Variants in FHIT observed in about 807,000 individuals in gnomAD.
The protein encoded by FHIT is bis(5'-adenosyl)-triphosphatase.
In FHIT, 19 loss-of-function variants were observed where a neutral mutation model predicts 17.9. The observed-to-expected ratio is 1.06, with a 90% CI of 0.74 to 1.56. FHIT has a LOEUF of 1.56. Among genes scored for constraint, FHIT ranks in the 40% most tolerant of loss-of-function variants. The pLI, the probability that FHIT is intolerant of heterozygous loss-of-function variation, is 0.00. For synonymous variants in FHIT, 81 were observed against 69.7 expected (o/e 1.16, Z -0.81); for missense variants, 248 against 189.2 (o/e 1.31, Z -1.82).
At chr3:60,782,233 G>GTATA (rs775581148) in intron 4 of FHIT, among the ~76,000 whole-genome samples, 3 of 133,142 alleles carry the variant, frequency 2.3e-5, no homozygotes, top group East Asian at 2.0e-4. Flanking sequence ...GTGTGTGTGT[G>GTATA]TGTGTATATA....
intron 5 of FHIT, among the ~76,000 whole-genome samples, chr3:60,535,277 T>C (rs956503736): frequency 1.3e-5 from 2 of 152,182 alleles, no homozygotes; most frequent in Admixed American, 1.3e-4. Flanking sequence ...CTAATTTTCA[T>C]AGGAATGAGA....
intron 6 of FHIT, 130 bp from the exon 7 acceptor site, chr3:60,011,530 C>G: frequency 1.3e-6 from 1 of 791,912 alleles, no homozygotes; most frequent in Non-Finnish European, 2.2e-6. Context: ...CTCATGGGGA[C>G]CATTGGCTTC....
chr3:60,065,509 A>T (rs1015402460), intron 5 of FHIT, among the ~76,000 whole-genome samples: 1 of 152,170 alleles, frequency 6.6e-6, no homozygotes, highest in Non-Finnish European at 1.5e-5. Flanking sequence ...TAAAGCTCTT[A>T]ATCATTATAA....
At chr3:60,915,553 G>A (rs1256260789) in intron 3 of FHIT, among the ~76,000 whole-genome samples, 1 of 152,070 alleles carries the variant, frequency 6.6e-6, no homozygotes, top group Non-Finnish European at 1.5e-5. Flanking sequence ...TAGCTGTCCT[G>A]GACAGGAAGG....
At chr3:59,909,464 C>T (rs556400480) in intron 8 of FHIT, among the ~76,000 whole-genome samples, 9 of 151,998 alleles carry the variant, frequency 5.9e-5, no homozygotes, top group Non-Finnish European at 7.4e-5. Flanking sequence ...TGTGTACATG[C>T]GATTATGGGC....
At chr3:59,989,139 A>G (rs1370731026) in intron 7 of FHIT, among the ~76,000 whole-genome samples, 2 of 152,046 alleles carry the variant, frequency 1.3e-5, no homozygotes, top group African/African-American at 4.8e-5. Flanking sequence ...CAGTGATTTT[A>G]TCTGGCTTCC....
At chr3:60,334,714 G>T (rs1710152160) in intron 5 of FHIT, among the ~76,000 whole-genome samples, 1 of 152,224 alleles carries the variant, frequency 6.6e-6, no homozygotes, top group Non-Finnish European at 1.5e-5. Context: ...TTAAACCCAG[G>T]AAGCAGAGGT....
At chr3:60,675,864 T>C (rs2040611446) in intron 4 of FHIT, among the ~76,000 whole-genome samples, 1 of 152,252 alleles carries the variant, frequency 6.6e-6, no homozygotes, top group Non-Finnish European at 1.5e-5. Flanking sequence ...GCAGTGTTCC[T>C]TTTTGAAAGC....
intron 5 of FHIT, among the ~76,000 whole-genome samples, chr3:60,375,690 A>G (rs1484680631): frequency 6.6e-6 from 1 of 152,156 alleles, no homozygotes; most frequent in East Asian, 1.9e-4. Context: ...AGTTACTTTC[A>G]TATTCTGGAG....
At chr3:60,648,782 C>T (rs2039923450) in intron 4 of FHIT, among the ~76,000 whole-genome samples, 1 of 152,190 alleles carries the variant, frequency 6.6e-6, no homozygotes, top group African/African-American at 2.4e-5. Context: ...AAATCTGGCC[C>T]TTCCTAAAGG....
At chr3:59,913,535 T>A (rs771133127) in intron 8 of FHIT, among the ~76,000 whole-genome samples, 1 of 152,186 alleles carries the variant, frequency 6.6e-6, no homozygotes, top group Non-Finnish European at 1.5e-5. Flanking sequence ...TCCAGCCCAA[T>A]GTGTATTCTC....
Position 60,732,005 on chromosome 3 carries a change from C to A in FHIT, c.-18+89914G>T, listed in dbSNP as rs960577211. Reference sequence around the variant, plus strand: ...TTAACTCTGCAATCCAGCTAGGGAACAAGGAAAACATGGAACCCAAAGGGA... The same window carrying A: ...TTAACTCTGCAATCCAGCTAGGGAAAAAGGAAAACATGGAACCCAAAGGGA... On this transcript the variant is annotated intron_variant, in intron 4 of 9. Coordinates refer to ENST00000492590, the MANE Select transcript of FHIT (RefSeq NM_002012.4). 12 of 385,478 alleles carry A rather than the reference C, an allele frequency of 3.1e-5. No individual in the cohort carries two copies. In the East Asian group the frequency reaches 6.0e-4, roughly 19 times the overall value. 23.9% of individuals were successfully genotyped at this position (385,478 alleles called of 1,614,324 possible).
At chr3:60,818,900 A>G (rs1553738441) in intron 4 of FHIT, among the ~76,000 whole-genome samples, 4 of 152,172 alleles carry the variant, frequency 2.6e-5, no homozygotes, top group Non-Finnish European at 5.9e-5. Context: ...TCACTCTAAA[A>G]GTTGTAAAAT....
intron 5 of FHIT, among the ~76,000 whole-genome samples, chr3:60,146,856 T>C (rs908264331): frequency 1.3e-5 from 2 of 152,090 alleles, no homozygotes; most frequent in Non-Finnish European, 2.9e-5. Flanking sequence ...AAGCTTAAGA[T>C]CCAAGAAAAT....
intron 4 of FHIT, among the ~76,000 whole-genome samples, chr3:60,720,016 T>A (rs574292725): frequency 2.6e-5 from 4 of 152,310 alleles, no homozygotes; most frequent in Middle Eastern, 3.4e-3. Context: ...AGAGCTTCCA[T>A]GAGCTCTCAA....
At chr3:60,288,219 C>CT (rs903971924) in intron 5 of FHIT, among the ~76,000 whole-genome samples, 24 of 152,106 alleles carry the variant, frequency 1.6e-4, no homozygotes, top group African/African-American at 5.8e-4. Flanking sequence ...TGGTGACTAG[C>CT]TTTTCCCAAA....
chr3:60,643,079 T>C (rs913631245), intron 4 of FHIT, among the ~76,000 whole-genome samples: 8 of 152,304 alleles, frequency 5.3e-5, no homozygotes, highest in Admixed American at 2.0e-4. Context: ...TTGAGTACCA[T>C]TGCATTTCCA....
intron 3 of FHIT, among the ~76,000 whole-genome samples, chr3:60,933,393 C>A (rs1253326897): frequency 6.6e-6 from 1 of 152,170 alleles, no homozygotes; most frequent in Non-Finnish European, 1.5e-5. Flanking sequence ...ATGTAAGCAA[C>A]AGAAATTAAT....
chr3:60,151,823 T>G (rs1481702621), intron 5 of FHIT, among the ~76,000 whole-genome samples: 1 of 152,180 alleles, frequency 6.6e-6, no homozygotes, highest in Non-Finnish European at 1.5e-5. Flanking sequence ...TTCCTAGACC[T>G]CCTAACAAAA....
Sources: allele counts gnomAD v4.1 joint callset (sites outside exome capture counted in the v4.1 genomes callset), GRCh38; gene constraint gnomAD v4.1.1; transcripts MANE v1.5; gene names NCBI Gene and HGNC (gene_info 2026-07-23, HGNC 2026-07-21).